The following RBM33 variants were observed in gnomAD, a reference collection of about 807,000 sequenced individuals.
RBM33 encodes the protein RNA binding motif protein 33.
Under a neutral mutation model 132.6 loss-of-function variants are expected in RBM33, and 28 were observed. The ratio of observed to expected loss-of-function variants is 0.21; its 90% CI spans 0.16 to 0.29. The LOEUF is 0.29. Among genes scored for constraint, RBM33 ranks in the 10% least tolerant of loss-of-function variants. RBM33 has a pLI of 1.00. For synonymous variants in RBM33, 634 were observed against 593.0 expected (o/e 1.07, Z -1.01); for missense variants, 1,291 against 1,518.5 (o/e 0.85, Z 2.49).
At chr7:155,652,380 A>G (rs1435141361) in intron 1 of RBM33, among the ~76,000 whole-genome samples, 17 of 152,226 alleles carry the variant, frequency 1.1e-4, no homozygotes, top group Non-Finnish European at 1.5e-5. Context: ...ATTTACATAC[A>G]CGGGTGGTAG....
chr7:155,654,313 C>G (rs1798434689), intron 1 of RBM33, among the ~76,000 whole-genome samples: 1 of 152,164 alleles, frequency 6.6e-6, no homozygotes, highest in African/African-American at 2.4e-5. Flanking sequence ...CACCGTGATG[C>G]TAACCACATT....
At chr7:155,696,905 A>C (rs1465887623) in intron 5 of RBM33, among the ~76,000 whole-genome samples, 4 of 152,020 alleles carry the variant, frequency 2.6e-5, no homozygotes, top group African/African-American at 9.7e-5. Flanking sequence ...GATGTCTCCC[A>C]ATCTCAGTTT....
chr7:155,724,251 A>T (rs1029441443), intron 9 of RBM33, among the ~76,000 whole-genome samples: 1 of 152,166 alleles, frequency 6.6e-6, no homozygotes, highest in African/African-American at 2.4e-5. Context: ...ATAAAGTATC[A>T]AAAGCAATTC....
chr7:155,668,805 G>T (rs1462770050), intron 2 of RBM33, among the ~76,000 whole-genome samples: 1 of 152,176 alleles, frequency 6.6e-6, no homozygotes, highest in Non-Finnish European at 1.5e-5. Context: ...AATGTTGGTT[G>T]TGTTGAATCC....
chr7:155,651,413 T>C (rs1798349507), intron 1 of RBM33, among the ~76,000 whole-genome samples: 1 of 152,116 alleles, frequency 6.6e-6, no homozygotes, highest in Non-Finnish European at 1.5e-5. Flanking sequence ...GTGACCTTTT[T>C]TCATTCTAGA....
At chr7:155,731,121 C>T (rs968930348) in intron 9 of RBM33, among the ~76,000 whole-genome samples, 3 of 152,196 alleles carry the variant, frequency 2.0e-5, no homozygotes, top group African/African-American at 7.2e-5. Flanking sequence ...GTTGACTCTC[C>T]GCTCAGAGTG....
intron 4 of RBM33, 83 bp downstream of exon 4, chr7:155,678,767 A>G (rs551703809): frequency 1.4e-6 from 1 of 731,538 alleles, no homozygotes; most frequent in African/African-American, 1.8e-5. Flanking sequence ...ATGGAATGTA[A>G]TTGAATAATG....
chr7:155,709,663 T>TA (rs1800221421), intron 7 of RBM33, among the ~76,000 whole-genome samples: 1 of 152,150 alleles, frequency 6.6e-6, no homozygotes, highest in Non-Finnish European at 1.5e-5. Context: ...TCAGTTCAAT[T>TA]AAAATTTAAC....
Position 155,740,042 on chromosome 7 carries a change from T to A in RBM33, c.2049+16T>A, listed in dbSNP as rs1185913412. ...GCTCCGGCATGTAAGTGTCAAGGGGTGTCTTCCCTGTGTCTTCCTGGGAGG... is the reference window on the plus strand; with the variant it reads ...GCTCCGGCATGTAAGTGTCAAGGGGAGTCTTCCCTGTGTCTTCCTGGGAGG... On this transcript the variant is annotated intron_variant, in intron 12 of 17. Coordinates refer to ENST00000401878, the MANE Select transcript of RBM33 (RefSeq NM_053043.3). 6.6e-7 allele frequency: 1 copy of A among 1,512,498 alleles called. No homozygotes were observed. The highest frequency in any genetic ancestry group is 2.1e-5 in the Admixed American group (1 of 48,130). The allele number at this position is 1,512,498 out of a possible 1,614,324, so 93.7% of individuals were successfully genotyped here.
At chr7:155,685,102 C>T (rs1357633749) in intron 5 of RBM33, 3 of 1,531,978 alleles carry the variant, frequency 2.0e-6, no homozygotes, top group East Asian at 2.5e-5. Context: ...TTTCCCTCCC[C>T]CAGACTTAAA....
At chr7:155,673,016 G>T in intron 3 of RBM33, 101 bp downstream of exon 3, 3 of 690,588 alleles carry the variant, frequency 4.3e-6, no homozygotes, top group Admixed American at 7.4e-5. Flanking sequence ...CTGGAAAGTT[G>T]GGTATAGATT....
intron 7 of RBM33, chr7:155,707,421 A>G (rs1388541938): frequency 2.4e-6 from 1 of 420,164 alleles, no homozygotes; most frequent in Non-Finnish European, 4.8e-6. Context: ...GTTATTACAG[A>G]TAGAATTTAG....
In RBM33 at chr7:155,742,126, A is replaced by C; in HGVS notation, c.2337+20A>C. 6.3e-7 allele frequency: 1 copy of C among 1,587,254 alleles called. No homozygotes were observed. The highest frequency in any genetic ancestry group is 8.6e-7 in the Non-Finnish European group (1 of 1,162,344). ...ACAGAGGTAGGACACTGCTCTTATT[A>C]ACAAATGTTGGTCTCAAACAAGAAG... On this transcript the variant is annotated intron_variant, in intron 13 of 17. Coordinates refer to ENST00000401878, the MANE Select transcript of RBM33 (RefSeq NM_053043.3).
chr7:155,766,615 C>T lies in RBM33; in HGVS notation c.3335C>T (p.Ala1112Val). The change falls in exon 16 of 18, where the codon GCC (alanine) becomes GTC (valine). Residue 1112 changes from alanine (A) to valine (V), a missense_variant. Physicochemically the swap from Ala to Val is moderately conservative, Grantham distance 64 (BLOSUM62 0). Around this residue, in one of 7 missense-constraint regions of RBM33, gnomAD observed 55 missense variants for 101.4 expected, o/e 0.54. Coordinates refer to ENST00000401878, the MANE Select transcript of RBM33 (RefSeq NM_053043.3). The part of the protein sequence containing the change: ...VEGLSSSTTD[A>V]QLKSLLMSVG... Reference sequence around the variant, plus strand: ...GGGCTGTCCTCGTCCACCACGGATGCCCAGCTGAAGAGCCTGCTGATGTCA... The same window carrying T: ...GGGCTGTCCTCGTCCACCACGGATGTCCAGCTGAAGAGCCTGCTGATGTCA... The T allele has an allele frequency of 6.2e-7, 1 of 1,612,240 alleles. No individual in the cohort carries two copies. The highest frequency in any genetic ancestry group is 2.2e-5 in the East Asian group (1 of 44,838).
intron 2 of RBM33, among the ~76,000 whole-genome samples, chr7:155,666,266 G>A (rs1450333139): frequency 6.6e-6 from 1 of 152,206 alleles, no homozygotes; most frequent in Non-Finnish European, 1.5e-5. Context: ...TGAGCCTGGA[G>A]GCCTGAGAAC....
At position 155,774,711 on chromosome 7, in the gene RBM33, C is replaced by T; in HGVS notation, c.3464+64C>T. 3 of 1,286,548 alleles carry T rather than the reference C, an allele frequency of 2.3e-6. No homozygotes were observed. The highest frequency in any genetic ancestry group is 3.4e-6 in the Non-Finnish European group (3 of 881,544). The allele number at this position is 1,286,548 out of a possible 1,614,324, so 79.7% of individuals were successfully genotyped here. On this transcript the variant is annotated intron_variant, in intron 17 of 17. Transcript: ENST00000401878. This position sits in a 1 kb window ranked among gnomAD's most constrained non-coding sequence, Gnocchi z 4.2. ...GGGAGCAAGGCCCTCCTTCCTGTGC[C>T]CTCCCATCCATCATGGTAGCAAGCG... is the stretch of plus-strand genomic sequence containing the variant.
chr7:155,652,330 A>G (rs1170962333), intron 1 of RBM33, among the ~76,000 whole-genome samples: 1 of 152,212 alleles, frequency 6.6e-6, no homozygotes, highest in Non-Finnish European at 1.5e-5. Flanking sequence ...CATAGACAAT[A>G]TATGCCTGAA....
intron 1 of RBM33, among the ~76,000 whole-genome samples, chr7:155,657,447 A>G (rs769349131): frequency 4.1e-4 from 62 of 152,234 alleles, no homozygotes; most frequent in Non-Finnish European, 7.6e-4. Context: ...AATACTTGTT[A>G]TTAGCTAGCC....
rs760585261 is a variant in RBM33, at chr7:155,774,605, A to G, written c.3422A>G (p.Lys1141Arg). ...PQQRKAIAKF[K>R]EPAHALAFQQ... is the part of the protein sequence containing the mutation. ...CAACGGAAAGCCATAGCTAAGTTCA[A>G]GGAGCCAGCCCACGCATTAGCATTT... Residue 1141 changes from lysine to arginine, a missense_variant, in exon 17 of 18, where the codon AAG (lysine) becomes AGG (arginine). By Grantham distance (26) the Lys-to-Arg change is conservative. Transcript: ENST00000401878. This position sits in a 1 kb window ranked among gnomAD's most constrained non-coding sequence, Gnocchi z 4.2. 1 of 1,613,984 alleles carries G rather than the reference A, an allele frequency of 6.2e-7. No homozygotes were observed. Among genetic ancestry groups the G allele is most frequent in the Non-Finnish European group, 8.5e-7 (1 of 1,179,870 alleles).
Sources: gnomAD v4.1 joint callset for allele counts (sites outside exome capture counted in the v4.1 genomes callset) on GRCh38, gnomAD v4.1.1 for gene constraint, gnomAD v4.1.1 regional missense constraint, Gnocchi (gnomAD v3.1) non-coding constraint, MANE v1.5 for transcripts, NCBI Gene and HGNC (gene_info 2026-07-23, HGNC 2026-07-21) for gene names.